Variants in UST observed in about 807,000 individuals in gnomAD.
UST encodes chondroitin sulfate 2-O-sulfotransferase.
Under a neutral mutation model 45.6 loss-of-function variants are expected in UST, and 21 were observed. The observed-to-expected ratio is 0.46, with a 90% CI of 0.33 to 0.66. The LOEUF is 0.66. Ranked by LOEUF, UST falls within the 30% of genes least tolerant of loss-of-function variation. UST has a pLI of 0.02. For missense variants in UST, 463 were observed against 512.4 expected (o/e 0.90, Z 0.93); for synonymous variants, 215 against 200.6 (o/e 1.07, Z -0.61).
intron 1 of UST, among the ~76,000 whole-genome samples, chr6:148,829,287 T>A (rs910665167): frequency 3.3e-5 from 5 of 152,184 alleles, no homozygotes; most frequent in Non-Finnish European, 7.3e-5. Flanking sequence ...TGCACCTGGG[T>A]CCGCTGTAAC....
chr6:148,977,084 A>G (rs1328957264), intron 5 of UST, among the ~76,000 whole-genome samples: 1 of 152,010 alleles, frequency 6.6e-6, no homozygotes. Context: ...CAGATGGCTA[A>G]CAAACTATCC....
intron 1 of UST, among the ~76,000 whole-genome samples, chr6:148,865,997 A>G (rs981374098): frequency 1.3e-4 from 20 of 152,062 alleles, no homozygotes; most frequent in African/African-American, 4.8e-4. Flanking sequence ...ACTTTAGAAT[A>G]TATGTGTGTG....
At chr6:148,937,328 C>T (rs1291043219) in intron 2 of UST, among the ~76,000 whole-genome samples, 2 of 152,124 alleles carry the variant, frequency 1.3e-5, no homozygotes, top group Non-Finnish European at 1.5e-5. Flanking sequence ...ATGTTAAGCC[C>T]TCCTTTATCT....
intron 1 of UST, among the ~76,000 whole-genome samples, chr6:148,866,961 C>T (rs560560028): frequency 6.6e-6 from 1 of 152,098 alleles, no homozygotes; most frequent in Non-Finnish European, 1.5e-5. Flanking sequence ...TCGAGGGCAA[C>T]CAGAGTCTTG....
intron 1 of UST, among the ~76,000 whole-genome samples, chr6:148,854,502 A>G (rs911378638): frequency 1.3e-5 from 2 of 152,238 alleles, no homozygotes; most frequent in African/African-American, 4.8e-5. Context: ...TCAGCATTAC[A>G]GTATACTGTC....
chr6:148,854,331 G>A (rs1166666100), intron 1 of UST, among the ~76,000 whole-genome samples: 1 of 152,164 alleles, frequency 6.6e-6, no homozygotes, highest in Non-Finnish European at 1.5e-5. Flanking sequence ...TGGCTGTGTT[G>A]GAACTTGCCC....
At chr6:148,824,970 G>A (rs929211310) in intron 1 of UST, among the ~76,000 whole-genome samples, 3 of 150,070 alleles carry the variant, frequency 2.0e-5, no homozygotes, top group South Asian at 2.1e-4. Context: ...GAGAATGATG[G>A]TTTCCAATTT....
At chr6:149,043,127 G>T in intron 7 of UST, among the ~76,000 whole-genome samples, 1 of 141,384 alleles carries the variant, frequency 7.1e-6, no homozygotes, top group South Asian at 2.3e-4. Context: ...CTTTTTTCTG[G>T]AGACAGGGTC....
intron 7 of UST, among the ~76,000 whole-genome samples, chr6:149,022,838 C>T (rs1321249974): frequency 6.6e-6 from 1 of 152,140 alleles, no homozygotes; most frequent in Non-Finnish European, 1.5e-5. Flanking sequence ...CTGCCTTAGC[C>T]TCCCAGCTCT....
intron 7 of UST, among the ~76,000 whole-genome samples, chr6:149,057,909 C>A (rs1334197388): frequency 6.6e-6 from 1 of 152,012 alleles, no homozygotes; most frequent in Non-Finnish European, 1.5e-5. Context: ...CCTAAGTTTC[C>A]TAAAAACTTT....
At chr6:148,803,980 C>T (rs9390613) in intron 1 of UST, among the ~76,000 whole-genome samples, 44,079 of 152,080 alleles carry the variant, frequency 0.29, 7,214 homozygotes, top group African/African-American at 0.44. Context: ...TTATGCACTT[C>T]GTGCGGCCAG....
Position 148,782,393 on chromosome 6 carries a change from A to G in UST, c.247+34716A>G, listed in dbSNP as rs578079425. On this transcript the variant is annotated intron_variant, in intron 1 of 7. Coordinates refer to ENST00000367463, the MANE Select transcript of UST (RefSeq NM_005715.3). ...CTAAAATTAGAAGTGGAACCTGAAA[A>G]TGGGACTAAATTGCTGCTATCTCAT... Among the ~76,000 whole-genome samples the G allele has an allele frequency of 1.8e-4, 28 of 152,214 alleles. 1 individual carries two copies. The highest frequency in any genetic ancestry group is 6.7e-4 in the African/African-American group (28 of 41,546).
intron 1 of UST, among the ~76,000 whole-genome samples, chr6:148,772,686 A>G (rs1776455252): frequency 6.6e-6 from 1 of 152,068 alleles, no homozygotes; most frequent in Non-Finnish European, 1.5e-5. Flanking sequence ...GGCCTCCCAA[A>G]GTGCTGGGAT....
At position 149,054,220 on chromosome 6, in the gene UST, T is replaced by C. The variant is rs532934461; in HGVS notation, c.938-19613T>C. ...TACCCAAAGAAGAGCCAAAGAGCTT[T>C]CACTTGCTTTCCCTTCTAGCCAACC... On this transcript the variant is annotated intron_variant, in intron 7 of 7. Coordinates refer to ENST00000367463, the MANE Select transcript of UST (RefSeq NM_005715.3). Among the ~76,000 whole-genome samples the C allele has an allele frequency of 3.4e-4, 52 of 152,348 alleles. No homozygotes were observed. In the Middle Eastern group the frequency reaches 0.01, roughly 30 times the overall value.
intron 4 of UST, among the ~76,000 whole-genome samples, chr6:148,957,421 G>T (rs972146892): frequency 2.6e-5 from 4 of 152,150 alleles, no homozygotes; most frequent in Non-Finnish European, 5.9e-5. Context: ...AAACAACTAA[G>T]CTGGAACTTC....
At chr6:148,969,633 C>T (rs577657489) in intron 5 of UST, among the ~76,000 whole-genome samples, 72 of 152,246 alleles carry the variant, frequency 4.7e-4, no homozygotes, top group African/African-American at 1.5e-3. Flanking sequence ...CCCTTGGCTC[C>T]GTTACTGGCT....
At chr6:148,891,107 T>A (rs1779010111) in intron 2 of UST, among the ~76,000 whole-genome samples, 1 of 152,176 alleles carries the variant, frequency 6.6e-6, no homozygotes, top group Admixed American at 6.5e-5. Flanking sequence ...TAACACCTGC[T>A]CAATCTAAAA....
chr6:148,938,238 CTCAT>C (rs1399939964), intron 2 of UST, among the ~76,000 whole-genome samples: 4 of 152,156 alleles, frequency 2.6e-5, no homozygotes, highest in Non-Finnish European at 5.9e-5. Context: ...GCAGTTAGGG[CTCAT>C]TCAGTGTCTG....
At chr6:148,956,856 T>G (rs1780521785) in intron 4 of UST, among the ~76,000 whole-genome samples, 1 of 152,186 alleles carries the variant, frequency 6.6e-6, no homozygotes, top group Admixed American at 6.5e-5. Flanking sequence ...TCTTCTTCCA[T>G]TAAAGTGTAA....
Sources: gnomAD v4.1 joint callset for allele counts (sites outside exome capture counted in the v4.1 genomes callset) on GRCh38, gnomAD v4.1.1 for gene constraint, MANE v1.5 for transcripts, NCBI Gene and HGNC (gene_info 2026-07-23, HGNC 2026-07-21) for gene names.